Variants in PUS7 observed in about 807,000 individuals in gnomAD.
PUS7 encodes the protein pseudouridylate synthase 7 homolog.
PUS7 carries 48 observed loss-of-function variants against 79.8 expected under a neutral mutation model. The ratio of observed to expected loss-of-function variants is 0.60; its 90% CI spans 0.48 to 0.76. The LOEUF (loss-of-function observed/expected upper bound fraction) is 0.76. PUS7 is among the 30% of genes least tolerant of loss of function. The probability of loss-of-function intolerance (pLI) is 0.00; values close to 1 mark genes in which losing one functional copy is unlikely to be tolerated. For synonymous variants in PUS7, 286 were observed against 272.2 expected, an observed-to-expected ratio of 1.05 and a Z score of -0.50; for missense variants, 729 against 797.6, an observed-to-expected ratio of 0.91 and a Z score of 1.04.
intron 5 of PUS7, among the ~76,000 whole-genome samples, chr7:105,500,676 T>A (rs918041323): frequency 2.6e-5 from 4 of 152,142 alleles, no homozygotes; most frequent in Non-Finnish European, 5.9e-5. Flanking sequence ...CTGAGAGAAT[T>A]AGGACCAAGT....
intron 7 of PUS7, among the ~76,000 whole-genome samples, chr7:105,489,298 C>A (rs1367317768): frequency 6.6e-6 from 1 of 151,122 alleles, no homozygotes; most frequent in Non-Finnish European, 1.5e-5. Context: ...AAGGCAAAAA[C>A]CTTCTGTTGT....
intron 7 of PUS7, among the ~76,000 whole-genome samples, chr7:105,482,642 C>T (rs1355093403): frequency 1.3e-5 from 2 of 152,026 alleles, no homozygotes; most frequent in Non-Finnish European, 2.9e-5. Flanking sequence ...GGTACGTGCT[C>T]CTGTTCAAAT....
At chr7:105,491,007 G>C (rs1335713449) in intron 7 of PUS7, among the ~76,000 whole-genome samples, 1 of 152,230 alleles carries the variant, frequency 6.6e-6, no homozygotes, top group Non-Finnish European at 1.5e-5. Flanking sequence ...GAGAGGTTGA[G>C]AAGCCTTGAA....
At chr7:105,460,505 T>G (rs1169796114) in intron 14 of PUS7, among the ~76,000 whole-genome samples, 2 of 152,084 alleles carry the variant, frequency 1.3e-5, no homozygotes, top group African/African-American at 4.8e-5. Flanking sequence ...GGCAACTAGT[T>G]CAGGATTTCA....
chr7:105,510,411 C>T (rs1825656537), intron 1 of PUS7, among the ~76,000 whole-genome samples: 1 of 152,038 alleles, frequency 6.6e-6, no homozygotes, highest in African/African-American at 2.4e-5. Flanking sequence ...AGGTGTCATA[C>T]AGGTGGTATA....
intron 1 of PUS7, among the ~76,000 whole-genome samples, chr7:105,517,281 C>G (rs1419600312): frequency 2.0e-5 from 3 of 152,154 alleles, no homozygotes; most frequent in Non-Finnish European, 4.4e-5. Context: ...CTCAGCCTCC[C>G]AAGTAGCTGA....
intron 1 of PUS7, among the ~76,000 whole-genome samples, chr7:105,514,397 G>T (rs1825813719): frequency 6.6e-6 from 1 of 152,074 alleles, no homozygotes; most frequent in Non-Finnish European, 1.5e-5. Flanking sequence ...AAGGTCAAGA[G>T]ACCGAGACCA....
At chr7:105,507,187 A>G (rs1825502842) in intron 2 of PUS7, among the ~76,000 whole-genome samples, 1 of 152,018 alleles carries the variant, frequency 6.6e-6, no homozygotes, top group South Asian at 2.1e-4. Context: ...CTGGGATTAC[A>G]GGCGCGTGCC....
intron 1 of PUS7, among the ~76,000 whole-genome samples, chr7:105,514,283 G>A (rs1825809865): frequency 1.4e-5 from 2 of 144,482 alleles, no homozygotes; most frequent in Admixed American, 7.0e-5. Flanking sequence ...GAACTGTATT[G>A]TTGTTATGTC....
At chr7:105,500,908 T>C (rs1200023784) in intron 5 of PUS7, among the ~76,000 whole-genome samples, 1 of 152,170 alleles carries the variant, frequency 6.6e-6, no homozygotes, top group Non-Finnish European at 1.5e-5. Flanking sequence ...CACCATTCGT[T>C]TGTGGAGTAA....
In PUS7 at chr7:105,508,282, C is replaced by T; in HGVS notation, c.231G>A (p.Gln77=). The change falls in exon 2 of 16, where the codon CAG becomes CAA. Residue 77 remains glutamine (Q), a synonymous_variant. Transcript: ENST00000469408. ...TGKGGKNSEA[Q]LEDEEEEEED... Reference sequence around the variant, plus strand: ...CCTCCTCTTCTTCCTCATCTTCCAACTGAGCCTCAGAATTCTTTCCACCTT... The same window carrying T: ...CCTCCTCTTCTTCCTCATCTTCCAATTGAGCCTCAGAATTCTTTCCACCTT... The T allele has an allele frequency of 1.9e-6, 3 of 1,614,188 alleles. No homozygotes were observed. Among genetic ancestry groups the T allele is most frequent in the Non-Finnish European group, 2.5e-6 (3 of 1,180,030 alleles).
chr7:105,493,517 T>G (rs1410016530), intron 6 of PUS7, among the ~76,000 whole-genome samples: 1 of 152,220 alleles, frequency 6.6e-6, no homozygotes, highest in East Asian at 1.9e-4. Flanking sequence ...GTACTGTGTA[T>G]TATGGGCTGA....
rs142269893 is a variant in PUS7 at position 105,522,182 on chromosome 7, T to G, written c.-163A>C. On this transcript the variant is annotated 5_prime_UTR_variant, in exon 1 of 16. Coordinates refer to ENST00000469408, the MANE Select transcript of PUS7 (RefSeq NM_019042.5). ...TAGGGCGGCCAGGCAAAAGCAGCGC[T>G]TTCCGCGCGGAGGACCAGATGCGCT... is the stretch of plus-strand genomic sequence containing the variant. 20,839 of 151,996 alleles carry G rather than the reference T, an allele frequency of 0.14. 1,844 individuals are homozygous for G. Among genetic ancestry groups the G allele is most frequent in the South Asian group, 0.26 (1,255 of 4,822 alleles). The allele number at this position is 151,996 out of a possible 1,614,324, so 9.4% of individuals were successfully genotyped here.
In PUS7 at chr7:105,460,785, C is replaced by T. The variant is rs1056410408; in HGVS notation, c.1758-1526G>A. 1.4e-4 allele frequency among the ~76,000 whole-genome samples: 18 copies of T among 127,736 alleles called. 1 individual carries two copies. Among genetic ancestry groups the T allele is most frequent in the African/African-American group, 3.6e-4 (12 of 33,402 alleles). The allele number at this position is 127,736 out of a possible 152,430, so 83.8% of individuals were successfully genotyped here. ...AGGAGAATGGCGCGAACCCGGGAGG[C>T]GGAGCTTGCAGTGAGCCGAGATCGC... On this transcript the variant is annotated intron_variant, in intron 14 of 15. Transcript: ENST00000469408.
At chr7:105,517,602 ACTAAGCTTTAAG>A (rs1825946036) in intron 1 of PUS7, among the ~76,000 whole-genome samples, 1 of 152,190 alleles carries the variant, frequency 6.6e-6, no homozygotes, top group South Asian at 2.1e-4. Flanking sequence ...AGATTCACCA[ACTAAGCTTTAAG>A]AAGTACTCTT....
intron 14 of PUS7, among the ~76,000 whole-genome samples, chr7:105,461,497 T>G (rs1208796475): frequency 4.6e-5 from 7 of 152,212 alleles, no homozygotes. Flanking sequence ...CCGGGCTTAC[T>G]TATGAGACAC....
In PUS7 at chr7:105,482,526, G is replaced by A. The variant is rs1243330833; in HGVS notation, c.921-86C>T. On this transcript the variant is annotated intron_variant, in intron 7 of 15. Transcript: ENST00000469408. ...CTGATTGTCTGCTTGGAACAGTACA[G>A]AAAACAAGATACAGCACACCTATGA... 1.1e-5 allele frequency: 15 copies of A among 1,396,672 alleles called. No homozygotes were observed. The African/African-American group carries it at 2.2e-4, about 20-fold the overall frequency. 86.5% of individuals were successfully genotyped at this position (1,396,672 alleles called of 1,614,324 possible). A position where few individuals can be genotyped will look rare whatever the true frequency, so the allele number is the denominator to read the frequency against.
intron 7 of PUS7, among the ~76,000 whole-genome samples, chr7:105,486,280 T>A (rs937870730): frequency 6.6e-6 from 1 of 151,286 alleles, no homozygotes; most frequent in African/African-American, 2.4e-5. Flanking sequence ...CTGGAACTCC[T>A]GACCTCAAGT....
intron 7 of PUS7, among the ~76,000 whole-genome samples, chr7:105,489,163 A>AG (rs1448768168): frequency 1.3e-5 from 2 of 151,052 alleles, no homozygotes; most frequent in African/African-American, 4.9e-5. Flanking sequence ...AAAAAAAAAA[A>AG]AAAAAGAAAG....
Sources: gnomAD v4.1 joint callset for allele counts (sites outside exome capture counted in the v4.1 genomes callset) on GRCh38, gnomAD v4.1.1 for gene constraint, MANE v1.5 for transcripts, NCBI Gene and HGNC (gene_info 2026-07-23, HGNC 2026-07-21) for gene names.